The following MCC variants were observed in gnomAD, a reference collection of about 807,000 sequenced individuals.
The protein encoded by MCC is colorectal mutant cancer protein.
MCC carries 90 observed loss-of-function variants against 116.2 expected under a neutral mutation model. The ratio of observed to expected loss-of-function variants is 0.77; its 90% CI spans 0.65 to 0.92. The LOEUF is 0.92. Among genes scored for constraint, MCC ranks in the 40% least tolerant of loss-of-function variants. MCC has a pLI of 0.00. For missense variants in MCC, 1,516 were observed against 1,312.2 expected (o/e 1.16, Z -2.40); for synonymous variants, 578 against 510.5 (o/e 1.13, Z -1.78).
chr5:113,089,663 A>G lies in MCC; in HGVS notation c.1399-4353T>C, dbSNP rs147445767. On this transcript the variant is annotated intron_variant, in intron 8 of 18. Coordinates refer to ENST00000408903, the MANE Select transcript of MCC (RefSeq NM_001085377.2). ...CCACACGTGGCTGTAAGCACTTGCAATGTGCCTGGTGTACTCAAGGAACTG... is the reference window on the plus strand; with the variant it reads ...CCACACGTGGCTGTAAGCACTTGCAGTGTGCCTGGTGTACTCAAGGAACTG... Among the ~76,000 whole-genome samples, 348 of 152,342 alleles carry G rather than the reference A, an allele frequency of 2.3e-3. 2 individuals carry two copies. Among genetic ancestry groups the G allele is most frequent in the African/African-American group, 8.0e-3 (333 of 41,576 alleles).
chr5:113,297,354 C>G (rs1766739033), intron 3 of MCC, among the ~76,000 whole-genome samples: 1 of 151,948 alleles, frequency 6.6e-6, no homozygotes, highest in Non-Finnish European at 1.5e-5. Context: ...ATCATGAGGT[C>G]AAGAGTTTGA....
At chr5:113,326,897 T>A in intron 3 of MCC, among the ~76,000 whole-genome samples, 1 of 152,216 alleles carries the variant, frequency 6.6e-6, no homozygotes, top group East Asian at 1.9e-4. Context: ...AAAAATTTTA[T>A]TCCCCTAAAA....
chr5:113,114,402 A>T (rs1249733245), intron 6 of MCC, among the ~76,000 whole-genome samples: 2 of 152,216 alleles, frequency 1.3e-5, no homozygotes, highest in Non-Finnish European at 2.9e-5. Context: ...CCAAATGATC[A>T]CCAAGTACAC....
intron 17 of MCC, among the ~76,000 whole-genome samples, chr5:113,041,734 C>T: frequency 6.6e-6 from 1 of 152,176 alleles, no homozygotes; most frequent in African/African-American, 2.4e-5. Flanking sequence ...GTGGCTCATG[C>T]CTGTAATCAG....
intron 1 of MCC, among the ~76,000 whole-genome samples, chr5:113,473,719 C>T (rs1472008792): frequency 6.6e-6 from 1 of 152,096 alleles, no homozygotes; most frequent in Non-Finnish European, 1.5e-5. Flanking sequence ...ACTATTACTG[C>T]ATGGAATTAA....
At chr5:113,466,040 G>A (rs1398980282) in intron 1 of MCC, among the ~76,000 whole-genome samples, 8 of 151,950 alleles carry the variant, frequency 5.3e-5, no homozygotes, top group East Asian at 1.9e-4. Context: ...GGGTTCAAGC[G>A]ATTCCCCTGC....
At chr5:113,102,063 G>C (rs1294860555) in intron 7 of MCC, 118 bp from the exon 8 acceptor site, 3 of 910,014 alleles carry the variant, frequency 3.3e-6, no homozygotes, top group Non-Finnish European at 5.1e-6. Flanking sequence ...GAACCACTTT[G>C]TTATAAATAG....
At position 113,036,772 on chromosome 5, in the gene MCC, C is replaced by T. The variant is rs60624682; in HGVS notation, c.2756+6758G>A. Among the ~76,000 whole-genome samples, 849 of 152,256 alleles carry T rather than the reference C, an allele frequency of 5.6e-3. 5 individuals are homozygous for T. The highest frequency in any genetic ancestry group is 0.019 in the African/African-American group (799 of 41,544). On this transcript the variant is annotated intron_variant, in intron 17 of 18. Coordinates refer to ENST00000408903, the MANE Select transcript of MCC (RefSeq NM_001085377.2). ...TTCTTCTCTTTGAGCTTTGGGGATGCTGGAGGGATGGCAAAAAAGTAAAAT... is the reference window on the plus strand; with the variant it reads ...TTCTTCTCTTTGAGCTTTGGGGATGTTGGAGGGATGGCAAAAAAGTAAAAT...
At chr5:113,451,658 T>C (rs1771399882) in intron 1 of MCC, among the ~76,000 whole-genome samples, 1 of 152,086 alleles carries the variant, frequency 6.6e-6, no homozygotes, top group African/African-American at 2.4e-5. Flanking sequence ...CACTTGAACC[T>C]GGGAGGTGGA....
At chr5:113,190,235 G>C (rs1297996231) in intron 3 of MCC, among the ~76,000 whole-genome samples, 1 of 152,190 alleles carries the variant, frequency 6.6e-6, no homozygotes, top group Admixed American at 6.5e-5. Context: ...TCTTTTGCTT[G>C]TGTTCACAGC....
chr5:113,268,465 C>G (rs1219035560), intron 3 of MCC, among the ~76,000 whole-genome samples: 1 of 152,148 alleles, frequency 6.6e-6, no homozygotes, highest in Non-Finnish European at 1.5e-5. Flanking sequence ...TGTCTACCTA[C>G]CATTAGTAGT....
At chr5:113,046,712 G>GAA (rs1271424471) in intron 16 of MCC, among the ~76,000 whole-genome samples, 13 of 67,302 alleles carry the variant, frequency 1.9e-4, no homozygotes, top group African/African-American at 6.8e-4. Context: ...AAAAAAAAAA[G>GAA]AGAGAGATTT....
At chr5:113,178,578 C>T (rs766338453) in intron 3 of MCC, among the ~76,000 whole-genome samples, 2 of 152,172 alleles carry the variant, frequency 1.3e-5, no homozygotes, top group Non-Finnish European at 2.9e-5. Context: ...CCAAGTCTGG[C>T]CCTTGCAGAG....
chr5:113,432,368 G>T (rs574251009), intron 1 of MCC, among the ~76,000 whole-genome samples: 1 of 149,800 alleles, frequency 6.7e-6, no homozygotes, highest in Admixed American at 6.7e-5. Flanking sequence ...ACAGCTAACA[G>T]TGTTGGCTCG....
intron 1 of MCC, among the ~76,000 whole-genome samples, chr5:113,427,671 G>A (rs973690822): frequency 1.3e-5 from 2 of 152,048 alleles, no homozygotes; most frequent in African/African-American, 4.8e-5. Flanking sequence ...TAACCTTCCC[G>A]TATTTTACTC....
chr5:113,078,984 C>CA (rs1314279617), intron 11 of MCC, among the ~76,000 whole-genome samples: 2 of 152,154 alleles, frequency 1.3e-5, no homozygotes, highest in Non-Finnish European at 2.9e-5. Context: ...AATCAACCTG[C>CA]AAAAATCACA....
chr5:113,439,284 G>T (rs1770958241), intron 1 of MCC, among the ~76,000 whole-genome samples: 1 of 152,230 alleles, frequency 6.6e-6, no homozygotes, highest in Admixed American at 6.5e-5. Flanking sequence ...AGACCTGGTT[G>T]TGGAAGCATG....
intron 2 of MCC, among the ~76,000 whole-genome samples, chr5:113,384,329 C>T (rs555264449): frequency 6.6e-6 from 1 of 152,328 alleles, no homozygotes; most frequent in East Asian, 1.9e-4. Flanking sequence ...CGGCTCACAC[C>T]TGTAATCCCA....
At position 113,104,363 on chromosome 5, in the gene MCC, T is replaced by A. The variant is rs758343198; in HGVS notation, c.1028-8A>T. On this transcript the variant is annotated splice_polypyrimidine_tract_variant and splice_region_variant and intron_variant, in intron 6 of 18. Coordinates refer to ENST00000408903, the MANE Select transcript of MCC (RefSeq NM_001085377.2). Reference sequence around the variant, plus strand: ...TCAGGTCACTGCAGTTGTCTGTGAGTGAATGAAGACAAAATGCGTTACACA... The same window carrying A: ...TCAGGTCACTGCAGTTGTCTGTGAGAGAATGAAGACAAAATGCGTTACACA... The A allele has an allele frequency of 6.3e-7, 1 of 1,599,436 alleles. No homozygotes were observed. Among genetic ancestry groups the A allele is most frequent in the Non-Finnish European group, 8.5e-7 (1 of 1,171,154 alleles).
Sources: gnomAD v4.1 joint callset for allele counts (sites outside exome capture counted in the v4.1 genomes callset) on GRCh38, gnomAD v4.1.1 for gene constraint, MANE v1.5 for transcripts, NCBI Gene and HGNC (gene_info 2026-07-23, HGNC 2026-07-21) for gene names.